HERC1: variants seen among roughly 807,000 people sequenced by gnomAD.
The protein encoded by HERC1 is HECT and RLD domain containing E3 ubiquitin protein ligase family member 1.
Under a neutral mutation model 554.3 loss-of-function variants are expected in HERC1, and 160 were observed. The observed-to-expected ratio is 0.29, with a 90% CI of 0.25 to 0.33. The LOEUF (loss-of-function observed/expected upper bound fraction) is 0.33. Among genes scored for constraint, HERC1 ranks in the 10% least tolerant of loss-of-function variants. HERC1 has a pLI of 1.00. For missense variants in HERC1, 4,919 were observed against 5,918.5 expected, an observed-to-expected ratio of 0.83 and a Z score of 5.54; for synonymous variants, 2,175 against 2,131.7, an observed-to-expected ratio of 1.02 and a Z score of -0.56.
In HERC1 at chr15:63,656,178, G is replaced by C. The variant is rs751650325; in HGVS notation, c.9780C>G (p.Ile3260Met). The C allele has an allele frequency of 6.2e-7, 1 of 1,612,720 alleles. No homozygotes were observed. The highest frequency in any genetic ancestry group is 2.2e-5 in the East Asian group (1 of 44,812). Residue 3260 changes from isoleucine to methionine, a missense_variant, in exon 49 of 78, where the codon ATC becomes ATG. Physicochemically the swap from Ile to Met is conservative, Grantham distance 10. This residue lies in a region of HERC1 where 1,963 missense variants were observed against 2,228.6 expected (regional missense o/e 0.88). Transcript: ENST00000443617. ...CTGTGCTCAAATAGGCCAGGCAAGAGATAGGCTTGTTAGCCTTGCTATGCC... is the reference window on the plus strand; with the variant it reads ...CTGTGCTCAAATAGGCCAGGCAAGACATAGGCTTGTTAGCCTTGCTATGCC... The part of the protein sequence containing the change: ...RGGHSKANKP[I>M]SCLAYLSTAV...
intron 1 of HERC1, among the ~76,000 whole-genome samples, chr15:63,829,497 T>TAC (rs1320259085): frequency 5.4e-4 from 30 of 55,082 alleles, no homozygotes; most frequent in African/African-American, 1.8e-3. Context: ...TATATATATA[T>TAC]ATACACACAC....
At chr15:63,707,510 A>G (rs762868809) in intron 24 of HERC1, among the ~76,000 whole-genome samples, 20 of 152,212 alleles carry the variant, frequency 1.3e-4, no homozygotes, top group Non-Finnish European at 2.8e-4. Context: ...GCCTATATGT[A>G]CAGGCAACCA....
chr15:63,617,708 G>A (rs1176647769), intron 74 of HERC1, among the ~76,000 whole-genome samples: 1 of 152,114 alleles, frequency 6.6e-6, no homozygotes, highest in Non-Finnish European at 1.5e-5. Context: ...ATTCTAATTG[G>A]TGTGAGATGG....
chr15:63,666,389 G>C lies in HERC1; in HGVS notation c.8290C>G (p.Leu2764Val), dbSNP rs747644472. ...AVPLLEMGFS[L>V]RQIAKAMEAT... ...TCCATGGCTTTGGCAATCTGCCGAA[G>C]AGAGAACCCCATTTCCAGCAAGGGA... Residue 2764 changes from leucine to valine, a missense_variant, in exon 41 of 78, where the codon CTT becomes GTT. Physicochemically the swap from Leu to Val is conservative, Grantham distance 32. Around this residue, in one of 11 missense-constraint regions of HERC1, gnomAD observed 1,963 missense variants for 2,228.6 expected, o/e 0.88. Transcript: ENST00000443617. 13 of 1,613,584 alleles carry C rather than the reference G, an allele frequency of 8.1e-6. No homozygotes were observed. The East Asian group carries it at 2.5e-4, about 30-fold the overall frequency.
At chr15:63,730,708 T>A (rs956113395) in intron 14 of HERC1, among the ~76,000 whole-genome samples, 9 of 152,334 alleles carry the variant, frequency 5.9e-5, no homozygotes, top group African/African-American at 2.2e-4. Flanking sequence ...ACATACTTAA[T>A]ATATGCTTAA....
At position 63,680,238 on chromosome 15, in the gene HERC1, T is replaced by G; in HGVS notation, c.6466-78A>C. 1 of 1,107,778 alleles carries G rather than the reference T, an allele frequency of 9.0e-7. No individual in the cohort carries two copies. The allele number at this position is 1,107,778 out of a possible 1,614,324, so 68.6% of individuals were successfully genotyped here. On this transcript the variant is annotated intron_variant, in intron 35 of 77. Transcript: ENST00000443617. The surrounding 1 kb of genome is among the most constrained non-coding windows in gnomAD (Gnocchi z 5.8). Reference sequence around the variant, plus strand: ...TTCACAATATCTAACCACATTAGAATTGAAAGCTTTTATGAGACAGAACAA... The same window carrying G: ...TTCACAATATCTAACCACATTAGAAGTGAAAGCTTTTATGAGACAGAACAA...
intron 32 of HERC1, 74 bp downstream of exon 32, chr15:63,690,467 C>T (rs1000580039): frequency 3.4e-6 from 3 of 881,546 alleles, no homozygotes; most frequent in Non-Finnish European, 5.5e-6. Flanking sequence ...ACTGAAGAGA[C>T]TGTTAAGTAC....
Position 63,712,670 on chromosome 15 carries a change from T to A in HERC1, c.4584+105A>T, listed in dbSNP as rs541529801. 2.1e-5 allele frequency: 21 copies of A among 1,015,822 alleles called. No individual in the cohort carries two copies. The Admixed American group carries it at 3.4e-4, about 16-fold the overall frequency. 62.9% of individuals were successfully genotyped at this position (1,015,822 alleles called of 1,614,324 possible). A position where few individuals can be genotyped will look rare whatever the true frequency, so the allele number is the denominator to read the frequency against. On this transcript the variant is annotated intron_variant, in intron 24 of 77. Transcript: ENST00000443617. Reference sequence around the variant, plus strand: ...TCTCTTAAAGTTATTTTTGAAAAAATTTTTATATGTCTAAAACAAACATAT... The same window carrying A: ...TCTCTTAAAGTTATTTTTGAAAAAAATTTTATATGTCTAAAACAAACATAT...
At position 63,643,038 on chromosome 15, in the gene HERC1, A is replaced by T; in HGVS notation, c.11352T>A (p.Thr3784=). The T allele has an allele frequency of 6.2e-7, 1 of 1,611,746 alleles. No homozygotes were observed. Among genetic ancestry groups the T allele is most frequent in the South Asian group, 1.1e-5 (1 of 90,782 alleles). ...GAATAGCTCCAGAGCCTATCACAAC[A>T]GTTTGCAAGACAGAGCCATCCTAAA... ...WSLRDGSVLQ[T]VVIGSGAIQT... The change falls in exon 59 of 78, where the codon ACT becomes ACA. Residue 3784 remains threonine (T), a synonymous_variant. Transcript: ENST00000443617.
intron 3 of HERC1, among the ~76,000 whole-genome samples, chr15:63,763,404 T>C (rs1172986104): frequency 6.6e-6 from 1 of 151,902 alleles, no homozygotes; most frequent in East Asian, 1.9e-4. Flanking sequence ...TGCCAATTTA[T>C]AGGAAATACA....
intron 11 of HERC1, 132 bp downstream of exon 11, chr15:63,747,592 A>G: frequency 4.0e-6 from 2 of 495,470 alleles, no homozygotes; most frequent in Middle Eastern, 5.3e-4. Context: ...AGATTATAAA[A>G]AAGTTTCATA....
At chr15:63,773,014 G>C (rs912650741) in intron 2 of HERC1, among the ~76,000 whole-genome samples, 1 of 152,144 alleles carries the variant, frequency 6.6e-6, no homozygotes, top group Non-Finnish European at 1.5e-5. Context: ...AGACACTCCT[G>C]TCCAAAAGCT....
intron 48 of HERC1, 79 bp from the exon 49 acceptor site, chr15:63,656,437 T>C: frequency 8.3e-7 from 1 of 1,211,458 alleles, no homozygotes; most frequent in Non-Finnish European, 1.2e-6. Context: ...CACATAACAT[T>C]CACAGCATCA....
At chr15:63,631,130 C>G (rs2068533412) in intron 68 of HERC1, among the ~76,000 whole-genome samples, 1 of 152,176 alleles carries the variant, frequency 6.6e-6, no homozygotes, top group Non-Finnish European at 1.5e-5. Flanking sequence ...AGGCACATGC[C>G]ACCATGCCTG....
At chr15:63,723,712 C>T (rs1036246264) in intron 18 of HERC1, among the ~76,000 whole-genome samples, 1 of 152,130 alleles carries the variant, frequency 6.6e-6, no homozygotes, top group South Asian at 2.1e-4. Flanking sequence ...AAAACCAACG[C>T]GTTCAAAATG....
At chr15:63,699,591 G>A (rs2072612740) in intron 25 of HERC1, among the ~76,000 whole-genome samples, 1 of 152,178 alleles carries the variant, frequency 6.6e-6, no homozygotes, top group Admixed American at 6.5e-5. Context: ...TGTGTCATGT[G>A]CATATTTACT....
chr15:63,710,258 G>C (rs2073226606), intron 24 of HERC1, among the ~76,000 whole-genome samples: 1 of 152,148 alleles, frequency 6.6e-6, no homozygotes, highest in African/African-American at 2.4e-5. Flanking sequence ...TCAGCAGGTA[G>C]GTGTTTTGTT....
chr15:63,769,292 G>A (rs994237739), intron 2 of HERC1, among the ~76,000 whole-genome samples: 7 of 151,712 alleles, frequency 4.6e-5, no homozygotes, highest in Non-Finnish European at 1.0e-4. Context: ...GGTGGCAGGC[G>A]CCTGTAATCC....
chr15:63,655,312 C>T (rs1437666196), intron 50 of HERC1, among the ~76,000 whole-genome samples: 1 of 152,280 alleles, frequency 6.6e-6, no homozygotes, highest in South Asian at 2.1e-4. Context: ...CAAGATTGTG[C>T]CACTGCACTC....
Sources: gnomAD v4.1 joint callset for allele counts (sites outside exome capture counted in the v4.1 genomes callset) on GRCh38, gnomAD v4.1.1 for gene constraint, gnomAD v4.1.1 regional missense constraint, Gnocchi (gnomAD v3.1) non-coding constraint, MANE v1.5 for transcripts, NCBI Gene and HGNC (gene_info 2026-07-23, HGNC 2026-07-21) for gene names.